The following AHNAK variants were observed in gnomAD, a reference collection of about 807,000 sequenced individuals.
AHNAK encodes the protein neuroblast differentiation-associated protein AHNAK.
A neutral mutation model predicts 37.8 loss-of-function variants in AHNAK; 23 were observed. That is an observed-to-expected ratio of 0.61 (90% CI 0.44 to 0.86). The LOEUF is 0.86. Among genes scored for constraint, AHNAK ranks in the 40% least tolerant of loss-of-function variants. The pLI is 0.00. For synonymous variants in AHNAK, 2,481 were observed against 2,636.3 expected (o/e 0.94, Z 1.80); for missense variants, 7,411 against 7,319.4 (o/e 1.01, Z -0.46).
At chr11:62,541,146 A>T (rs17157384) in intron 1 of AHNAK, among the ~76,000 whole-genome samples, 6,571 of 152,232 alleles carry the variant, frequency 0.043, 495 homozygotes, top group African/African-American at 0.15. Context: ...CAGGAATTGA[A>T]ACACACACTC....
chr11:62,525,029 G>A lies in AHNAK; in HGVS notation c.9388C>T (p.Pro3130Ser), dbSNP rs79431946. 6.8e-6 allele frequency: 11 copies of A among 1,613,580 alleles called. No homozygotes were observed. The highest frequency in any genetic ancestry group is 9.3e-6 in the Non-Finnish European group (11 of 1,179,968). The change falls in exon 5 of 5, where the codon CCC becomes TCC. Residue 3130 changes from proline to serine, a missense_variant. Transcript: ENST00000378024. The stretch of plus-strand genomic sequence containing the variant: ...TCTGGGGCATTAATATCCACTTTGG[G>A]GCCTTTAATATCCACGTCAGGAACT... ...MKVPDVDIKGPKVDINAPDVD... is the reference protein window; with the variant it reads ...MKVPDVDIKGSKVDINAPDVD...
intron 5 of AHNAK, among the ~76,000 whole-genome samples, chr11:62,446,867 A>T (rs1329025897): frequency 6.6e-6 from 1 of 151,868 alleles, no homozygotes; most frequent in Non-Finnish European, 1.5e-5. Flanking sequence ...GCCTATAAAC[A>T]TCAAGTCTCC....
intron 4 of AHNAK, among the ~76,000 whole-genome samples, chr11:62,493,657 G>GA (rs1409640099): frequency 8.6e-6 from 1 of 115,952 alleles, no homozygotes; most frequent in Non-Finnish European, 1.6e-5. Flanking sequence ...TTAAGAGATG[G>GA]GGGGGGTCCC....
chr11:62,531,831 A>G lies in AHNAK; in HGVS notation c.2586T>C (p.Asp862=). 1 of 1,613,602 alleles carries G rather than the reference A, an allele frequency of 6.2e-7. No individual in the cohort carries two copies. Among genetic ancestry groups the G allele is most frequent in the Non-Finnish European group, 8.5e-7 (1 of 1,179,952 alleles). The change falls in exon 5 of 5, where the codon GAT becomes GAC. Residue 862 remains aspartate, a synonymous_variant. Transcript: ENST00000378024. ...GGCCTTGAACCTCCACATCTGGGAC[A>G]TCAATGTCCATTTTGGCACTTTTAA... The part of the protein sequence containing the change: ...VELKSAKMDI[D]VPDVEVQGPD...
intron 4 of AHNAK, among the ~76,000 whole-genome samples, 195 bp from the exon 5 acceptor site, chr11:62,534,269 C>T (rs1404224622): frequency 2.0e-5 from 3 of 152,178 alleles, no homozygotes; most frequent in Non-Finnish European, 4.4e-5. Context: ...AGGAGGAAAT[C>T]AGAAATTCTC....
rs1940279285 is a variant in AHNAK, at chr11:62,522,247, T to A, written c.12170A>T (p.His4057Leu). ...PDVDVHGPDW[H>L]LKMPKVKMPK... is the part of the protein sequence containing the mutation. Reference sequence around the variant, plus strand: ...CATTTTCACCTTGGGCATCTTCAGGTGCCAGTCTGGGCCATGAACATCCAC... The same window carrying A: ...CATTTTCACCTTGGGCATCTTCAGGAGCCAGTCTGGGCCATGAACATCCAC... Residue 4057 changes from histidine (H) to leucine (L), a missense_variant, in exon 5 of 5, where the codon CAC becomes CTC. Transcript: ENST00000378024. 6.2e-7 allele frequency: 1 copy of A among 1,613,250 alleles called. No individual in the cohort carries two copies. Among genetic ancestry groups the A allele is most frequent in the African/African-American group, 1.3e-5 (1 of 74,614 alleles).
In AHNAK at chr11:62,518,674, A is replaced by C; in HGVS notation, c.15743T>G (p.Met5248Arg). The C allele has an allele frequency of 6.2e-7, 1 of 1,614,028 alleles. No homozygotes were observed. The highest frequency in any genetic ancestry group is 8.5e-7 in the Non-Finnish European group (1 of 1,179,992). ...ATGGACCTCGGCTCCCCCACCCTCCATTTTCACACCTGGGATGCCGATCTT... is the reference window on the plus strand; with the variant it reads ...ATGGACCTCGGCTCCCCCACCCTCCCTTTTCACACCTGGGATGCCGATCTT... ...MPKIGIPGVK[M>R]EGGGAEVHAQ... The change falls in exon 5 of 5, where the codon ATG becomes AGG. Residue 5248 changes from methionine (M) to arginine (R), a missense_variant. Physicochemically the swap from Met to Arg is moderately conservative, Grantham distance 91 (BLOSUM62 -1). Coordinates refer to ENST00000378024, the MANE Select transcript of AHNAK (RefSeq NM_001620.3).
At chr11:62,447,759 T>C (rs1227020459) in intron 5 of AHNAK, among the ~76,000 whole-genome samples, 2 of 152,154 alleles carry the variant, frequency 1.3e-5, no homozygotes, top group African/African-American at 4.8e-5. Flanking sequence ...TCTGCCCCCG[T>C]GGACCTCTGA....
chr11:62,518,845 G>A lies in AHNAK; in HGVS notation c.15572C>T (p.Ala5191Val). ...KVKTPSFGIS[A>V]PQVSIPDVNV... Reference sequence around the variant, plus strand: ...CACATCAGGGATGGAGACTTGAGGGGCAGAAATGCCGAAGGACGGTGTTTT... The same window carrying A: ...CACATCAGGGATGGAGACTTGAGGGACAGAAATGCCGAAGGACGGTGTTTT... Residue 5191 changes from alanine (A) to valine (V), a missense_variant, in exon 5 of 5, where the codon GCC becomes GTC. Transcript: ENST00000378024. 1 of 1,614,212 alleles carries A rather than the reference G, an allele frequency of 6.2e-7. No individual in the cohort carries two copies. The highest frequency in any genetic ancestry group is 1.7e-5 in the Admixed American group (1 of 60,022).
In AHNAK at chr11:62,531,208, G is replaced by A; in HGVS notation, c.3209C>T (p.Pro1070Leu). ...MHFRAPKMSLPDVDLDLKGPK... is the reference protein window; with the variant it reads ...MHFRAPKMSLLDVDLDLKGPK... ...TCCTTTAAGATCCAGGTCAACATCTGGCAAAGACATCTTAGGAGCTCTGAA... is the reference window on the plus strand; with the variant it reads ...TCCTTTAAGATCCAGGTCAACATCTAGCAAAGACATCTTAGGAGCTCTGAA... Residue 1070 changes from proline (P) to leucine (L), a missense_variant, in exon 5 of 5, where the codon CCA (proline) becomes CTA (leucine). Coordinates refer to ENST00000378024, the MANE Select transcript of AHNAK (RefSeq NM_001620.3). 6.2e-7 allele frequency: 1 copy of A among 1,613,990 alleles called. No homozygotes were observed. The highest frequency in any genetic ancestry group is 1.1e-5 in the South Asian group (1 of 91,062).
In AHNAK at chr11:62,529,125, C is replaced by T; in HGVS notation, c.5292G>A (p.Leu1764=). Residue 1764 remains leucine (L), a synonymous_variant, in exon 5 of 5, where the codon TTG becomes TTA. Coordinates refer to ENST00000378024, the MANE Select transcript of AHNAK (RefSeq NM_001620.3). ...TGGGCATCTTAAATTTGGAGCCTTTCAACTTTCCTTCTGGTCCCTCAATAT... is the reference window on the plus strand; with the variant it reads ...TGGGCATCTTAAATTTGGAGCCTTTTAACTTTCCTTCTGGTCCCTCAATAT... ...DLDIEGPEGK[L]KGSKFKMPKL... The T allele has an allele frequency of 3.1e-6, 5 of 1,614,086 alleles. No individual in the cohort carries two copies. The highest frequency in any genetic ancestry group is 4.2e-6 in the Non-Finnish European group (5 of 1,180,002).
At chr11:62,491,248 C>T (rs1310702793) in intron 5 of AHNAK, among the ~76,000 whole-genome samples, 1 of 152,218 alleles carries the variant, frequency 6.6e-6, no homozygotes, top group Non-Finnish European at 1.5e-5. Context: ...TTCTTCCCCT[C>T]CAGCTCACCC....
intron 5 of AHNAK, among the ~76,000 whole-genome samples, chr11:62,468,365 A>T (rs1253247052): frequency 2.7e-5 from 4 of 147,486 alleles, no homozygotes; most frequent in African/African-American, 7.6e-5. Flanking sequence ...AAAGAAAAAA[A>T]AAAAAAATAT....
rs373733361 is a variant in AHNAK, at chr11:62,459,678, T to A, written c.443-25787A>T. Among the ~76,000 whole-genome samples the A allele has an allele frequency of 9.2e-5, 14 of 152,118 alleles. No homozygotes were observed. The East Asian group carries it at 2.3e-3, about 25-fold the overall frequency. ...GAAGGAGGCCAGATGCGTAGAATAG[T>A]CAAAACAAAAGAGCCTTAAGGCATC... On this transcript the variant is annotated intron_variant, in intron 5 of 5. Transcript: ENST00000257247.
At position 62,527,231 on chromosome 11, in the gene AHNAK, T is replaced by C; in HGVS notation, c.7186A>G (p.Lys2396Glu). Residue 2396 changes from lysine (K) to glutamate (E), a missense_variant, in exon 5 of 5, where the codon AAG (lysine) becomes GAG (glutamate). Coordinates refer to ENST00000378024, the MANE Select transcript of AHNAK (RefSeq NM_001620.3). ...ISMPDLDLHLKSPKAKGEVDV... is the reference protein window; with the variant it reads ...ISMPDLDLHLESPKAKGEVDV... Reference sequence around the variant, plus strand: ...ACCTCTCCTTTTGCCTTGGGGCTCTTCAAGTGTAGATCGAGGTCTGGCATA... The same window carrying C: ...ACCTCTCCTTTTGCCTTGGGGCTCTCCAAGTGTAGATCGAGGTCTGGCATA... 6.2e-7 allele frequency: 1 copy of C among 1,613,532 alleles called. No individual in the cohort carries two copies. Among genetic ancestry groups the C allele is most frequent in the Non-Finnish European group, 8.5e-7 (1 of 1,179,744 alleles).
Position 62,528,237 on chromosome 11 carries a change from G to A in AHNAK, c.6180C>T (p.Gly2060=). The change falls in exon 5 of 5, where the codon GGC becomes GGT. Residue 2060 remains glycine (G), a synonymous_variant. Transcript: ENST00000378024. ...KMKMPKFSMP[G]FKAEGPEVDV... ...CCACTTCTGGGCCCTCTGCTTTGAA[G>A]CCAGGCATGCTGAACTTGGGCATTT... 1 of 1,614,080 alleles carries A rather than the reference G, an allele frequency of 6.2e-7. No individual in the cohort carries two copies. Among genetic ancestry groups the A allele is most frequent in the Non-Finnish European group, 8.5e-7 (1 of 1,180,022 alleles).
intron 5 of AHNAK, among the ~76,000 whole-genome samples, chr11:62,458,023 C>T (rs1054330355): frequency 6.6e-6 from 1 of 151,596 alleles, no homozygotes. Context: ...CAGCGATTCT[C>T]CTGCCTCAGC....
At chr11:62,457,641 A>G (rs1938688807) in intron 5 of AHNAK, among the ~76,000 whole-genome samples, 1 of 152,106 alleles carries the variant, frequency 6.6e-6, no homozygotes, top group Non-Finnish European at 1.5e-5. Flanking sequence ...AAACAAAAAA[A>G]AAGGAACGAA....
rs1023995672 is a variant in AHNAK at position 62,520,230 on chromosome 11, G to A, written c.14187C>T (p.Asn4729=). Residue 4729 remains asparagine, a synonymous_variant, in exon 5 of 5, where the codon AAC becomes AAT. Coordinates refer to ENST00000378024, the MANE Select transcript of AHNAK (RefSeq NM_001620.3). ...PKISMPDIDL[N]LKGPKVKGDV... ...CGCCCTTCACTTTGGGTCCTTTCAG[G>A]TTTAAGTCAATATCAGGCATGGAGA... 4.3e-6 allele frequency: 7 copies of A among 1,609,718 alleles called. No individual in the cohort carries two copies. The highest frequency in any genetic ancestry group is 1.1e-5 in the South Asian group (1 of 90,860).
Sources: allele counts gnomAD v4.1 joint callset (sites outside exome capture counted in the v4.1 genomes callset), GRCh38; gene constraint gnomAD v4.1.1; transcripts MANE v1.5; gene names NCBI Gene and HGNC (gene_info 2026-07-23, HGNC 2026-07-21).